Variants in GOLIM4 observed in about 807,000 individuals in gnomAD.
GOLIM4 encodes the protein golgi integral membrane protein 4, also known as 130 kDa golgi-localized phosphoprotein.
Under a neutral mutation model 107.4 loss-of-function variants are expected in GOLIM4, and 71 were observed. The ratio of observed to expected loss-of-function variants is 0.66; its 90% CI spans 0.55 to 0.81. The LOEUF (loss-of-function observed/expected upper bound fraction) is 0.81. GOLIM4 is among the 30% of genes least tolerant of loss of function. The pLI is 0.00. For missense variants in GOLIM4, 830 were observed against 826.1 expected, an observed-to-expected ratio of 1.00 and a Z score of -0.06; for synonymous variants, 327 against 294.8, an observed-to-expected ratio of 1.11 and a Z score of -1.12.
At chr3:168,020,175 G>C (rs964654722) in intron 14 of GOLIM4, among the ~76,000 whole-genome samples, 2 of 152,074 alleles carry the variant, frequency 1.3e-5, no homozygotes, top group African/African-American at 4.8e-5. Context: ...CAAATTTCTT[G>C]TATGTAAAAT....
intron 1 of GOLIM4, among the ~76,000 whole-genome samples, chr3:168,086,112 TTG>T (rs1721608314): frequency 6.6e-6 from 1 of 152,178 alleles, no homozygotes; most frequent in Non-Finnish European, 1.5e-5. Context: ...ACAATTTAAC[TTG>T]TTTTATAGCA....
chr3:168,063,215 A>T (rs1720361169), intron 1 of GOLIM4, among the ~76,000 whole-genome samples: 1 of 152,112 alleles, frequency 6.6e-6, no homozygotes. Flanking sequence ...AAAAGATGTT[A>T]CTCCTAAAGA....
intron 1 of GOLIM4, among the ~76,000 whole-genome samples, chr3:168,093,082 A>G (rs140137685): frequency 6.6e-6 from 1 of 152,096 alleles, no homozygotes; most frequent in African/African-American, 2.4e-5. Context: ...CCCCACTACC[A>G]CCACCACCAC....
At chr3:168,063,088 T>A (rs1464951172) in intron 1 of GOLIM4, among the ~76,000 whole-genome samples, 1 of 152,038 alleles carries the variant, frequency 6.6e-6, no homozygotes, top group Non-Finnish European at 1.5e-5. Context: ...TAACACAAGT[T>A]CTCCTCCAAA....
At chr3:168,078,872 T>C (rs1321230992) in intron 1 of GOLIM4, among the ~76,000 whole-genome samples, 1 of 152,202 alleles carries the variant, frequency 6.6e-6, no homozygotes, top group Non-Finnish European at 1.5e-5. Flanking sequence ...TAAGCAGTCC[T>C]CTGTGCAGCT....
chr3:168,028,039 G>A (rs1318329101), intron 11 of GOLIM4, among the ~76,000 whole-genome samples: 1 of 152,112 alleles, frequency 6.6e-6, no homozygotes, highest in African/African-American at 2.4e-5. Context: ...GATGATATGG[G>A]TCAGACACTT....
intron 1 of GOLIM4, among the ~76,000 whole-genome samples, chr3:168,074,487 A>T (rs371290765): frequency 2.0e-4 from 30 of 152,330 alleles, no homozygotes; most frequent in African/African-American, 6.7e-4. Flanking sequence ...AGATCATGAG[A>T]AAGGCGTGAG....
intron 1 of GOLIM4, among the ~76,000 whole-genome samples, chr3:168,066,154 G>C (rs1416255011): frequency 6.6e-6 from 1 of 151,746 alleles, no homozygotes; most frequent in African/African-American, 2.4e-5. Flanking sequence ...TATGGCCCTT[G>C]ATTAGGGCCG....
chr3:168,022,663 C>CA (rs1379821786), intron 14 of GOLIM4, among the ~76,000 whole-genome samples: 1 of 152,142 alleles, frequency 6.6e-6, no homozygotes, highest in African/African-American at 2.4e-5. Context: ...GAACAAGGGA[C>CA]ACTCGGGGGC....
At chr3:168,027,615 C>A in intron 12 of GOLIM4, 113 bp downstream of exon 12, 2 of 712,466 alleles carry the variant, frequency 2.8e-6, no homozygotes, top group Admixed American at 2.2e-5. Flanking sequence ...TCCTTCTGGG[C>A]TGAGGATATA....
chr3:168,076,192 C>T (rs1028863989), intron 1 of GOLIM4, among the ~76,000 whole-genome samples: 3 of 152,164 alleles, frequency 2.0e-5, no homozygotes, highest in Non-Finnish European at 2.9e-5. Flanking sequence ...TTAAATATTA[C>T]TGACATATTT....
intron 7 of GOLIM4, among the ~76,000 whole-genome samples, chr3:168,037,552 A>G (rs940971217): frequency 3.3e-5 from 5 of 152,168 alleles, no homozygotes; most frequent in African/African-American, 9.7e-5. Flanking sequence ...CTAATTGGCT[A>G]GAATGTTTCC....
In GOLIM4 at chr3:168,009,967, T is replaced by C. The variant is rs1490988975; in HGVS notation, c.*302A>G. ...CAGAAAGGTAACACGCTGAAACATA[T>C]ACAAAATCAATGAGCTTTCCAACAT... On this transcript the variant is annotated 3_prime_UTR_variant, in exon 16 of 16. Coordinates refer to ENST00000470487, the MANE Select transcript of GOLIM4 (RefSeq NM_014498.5). 61 of 222,426 alleles carry C rather than the reference T, an allele frequency of 2.7e-4. 1 individual carries two copies. The highest frequency in any genetic ancestry group is 1.7e-5 in the Non-Finnish European group (2 of 115,360). 13.8% of individuals were successfully genotyped at this position (222,426 alleles called of 1,614,324 possible).
At chr3:168,087,843 C>T (rs1721703982) in intron 1 of GOLIM4, among the ~76,000 whole-genome samples, 2 of 152,140 alleles carry the variant, frequency 1.3e-5, no homozygotes, top group Non-Finnish European at 2.9e-5. Context: ...TGACATAATG[C>T]ATGTAATAAG....
intron 1 of GOLIM4, among the ~76,000 whole-genome samples, chr3:168,060,547 C>T (rs1435348397): frequency 2.6e-5 from 4 of 151,960 alleles, no homozygotes; most frequent in Admixed American, 2.6e-4. Context: ...AGTTAGACTC[C>T]CAGAGGTTAC....
intron 11 of GOLIM4, among the ~76,000 whole-genome samples, chr3:168,028,086 T>C (rs1028429455): frequency 1.3e-5 from 2 of 152,196 alleles, no homozygotes; most frequent in Non-Finnish European, 2.9e-5. Context: ...GGAGCTGTAA[T>C]TTTTCCCCCA....
At chr3:168,087,734 C>CTACA (rs757227909) in intron 1 of GOLIM4, among the ~76,000 whole-genome samples, 170 of 152,244 alleles carry the variant, frequency 1.1e-3, no homozygotes, top group Middle Eastern at 3.4e-3. Context: ...GGTTTCTAAG[C>CTACA]TTAGTTTCAT....
chr3:168,087,474 T>A (rs1161089084), intron 1 of GOLIM4, among the ~76,000 whole-genome samples: 1 of 152,208 alleles, frequency 6.6e-6, no homozygotes. Context: ...CACTGTCATT[T>A]CAGGCAACAT....
intron 7 of GOLIM4, among the ~76,000 whole-genome samples, chr3:168,039,407 G>A (rs1442928840): frequency 2.0e-5 from 3 of 151,836 alleles, no homozygotes; most frequent in Non-Finnish European, 2.9e-5. Flanking sequence ...GGGATTACAG[G>A]TGCACACCAC....
Sources: gnomAD v4.1 joint callset for allele counts (sites outside exome capture counted in the v4.1 genomes callset) on GRCh38, gnomAD v4.1.1 for gene constraint, MANE v1.5 for transcripts, NCBI Gene and HGNC (gene_info 2026-07-23, HGNC 2026-07-21) for gene names.